Variants in RSU1 observed in about 807,000 individuals in gnomAD.
RSU1 encodes Ras suppressor protein 1.
Under a neutral mutation model 31.1 loss-of-function variants are expected in RSU1, and 26 were observed. The ratio of observed to expected loss-of-function variants is 0.84; its 90% CI spans 0.61 to 1.16. The LOEUF (loss-of-function observed/expected upper bound fraction) is 1.16. RSU1 is among the 50% of genes most tolerant of loss of function. The pLI is 0.00. For synonymous variants in RSU1, 164 were observed against 136.3 expected (o/e 1.20, Z -1.41); for missense variants, 320 against 339.1 (o/e 0.94, Z 0.44).
intron 2 of RSU1, among the ~76,000 whole-genome samples, chr10:16,786,919 C>A (rs1837803531): frequency 6.6e-6 from 1 of 152,126 alleles, no homozygotes; most frequent in African/African-American, 2.4e-5. Flanking sequence ...GAGGAGTGGG[C>A]CAGCTTAAAG....
At chr10:16,746,101 A>G (rs1164056035) in intron 7 of RSU1, among the ~76,000 whole-genome samples, 1 of 152,180 alleles carries the variant, frequency 6.6e-6, no homozygotes, top group African/African-American at 2.4e-5. Flanking sequence ...TTTATTCTGG[A>G]GTATATAATT....
At position 16,592,407 on chromosome 10, in the gene RSU1, G is replaced by A. The variant is rs532212969; in HGVS notation, c.*987C>T. ...AGAAGGAAAGCTGCCTATCACAGAT[G>A]TTAAACAAACAATTGATTGTTTAAT... On this transcript the variant is annotated 3_prime_UTR_variant, in exon 9 of 9. Transcript: ENST00000345264. 1.4e-4 allele frequency: 22 copies of A among 152,328 alleles called. No homozygotes were observed. The highest frequency in any genetic ancestry group is 5.3e-4 in the African/African-American group (22 of 41,574). The allele number at this position is 152,328 out of a possible 1,614,324, so 9.4% of individuals were successfully genotyped here.
rs1316379291 is a variant in RSU1, at chr10:16,646,034, G to GTA, written c.731+48987_731+48988dup. ...TATACATATATGTGTATATATATGT[G>GTA]TATATACATATATGTGTATATATAT... On this transcript the variant is annotated intron_variant, in intron 8 of 8. Transcript: ENST00000345264. Among the ~76,000 whole-genome samples, 4 of 62,804 alleles carry GTA rather than the reference G, an allele frequency of 6.4e-5. 1 individual carries two copies. The highest frequency in any genetic ancestry group is 8.9e-4 in the East Asian group (2 of 2,252). The allele number at this position is 62,804 out of a possible 152,430, so 41.2% of individuals were successfully genotyped here.
intron 7 of RSU1, among the ~76,000 whole-genome samples, chr10:16,717,623 AAAC>A (rs1836169318): frequency 6.6e-6 from 1 of 152,224 alleles, no homozygotes; most frequent in African/African-American, 2.4e-5. Context: ...AGAAAAGCAA[AAAC>A]AACATACCAA....
intron 7 of RSU1, among the ~76,000 whole-genome samples, chr10:16,713,623 TTC>T (rs1836067283): frequency 6.6e-6 from 1 of 152,266 alleles, no homozygotes; most frequent in Non-Finnish European, 1.5e-5. Context: ...ATTTGCTGTA[TTC>T]TCTTGTATCT....
In RSU1 at chr10:16,738,450, CA is replaced by C. The variant is rs201836209; in HGVS notation, c.598+14088del. On this transcript the variant is annotated intron_variant, in intron 7 of 8. Transcript: ENST00000345264. Reference sequence around the variant, plus strand: ...TGTGTGAAAGAGCAAGACTCTGTCTCAAAAAAAAAGAAGAAAAACTGAAAAT... The same window carrying C: ...TGTGTGAAAGAGCAAGACTCTGTCTCAAAAAAAAGAAGAAAAACTGAAAAT... Among the ~76,000 whole-genome samples the C allele has an allele frequency of 3.6e-3, 537 of 150,026 alleles. 8 individuals are homozygous for C. Among genetic ancestry groups the C allele is most frequent in the African/African-American group, 0.013 (520 of 40,882 alleles).
chr10:16,647,273 G>A (rs781602504), intron 8 of RSU1, among the ~76,000 whole-genome samples: 13 of 152,242 alleles, frequency 8.5e-5, no homozygotes, highest in South Asian at 4.1e-4. Flanking sequence ...CGCCCAGCCC[G>A]TACTGGAACT....
chr10:16,721,705 CA>C (rs1333698838), intron 7 of RSU1: 11 of 152,178 alleles, frequency 7.2e-5, no homozygotes. Flanking sequence ...ACGTGGGTGG[CA>C]AATCACTTGA....
intron 2 of RSU1, among the ~76,000 whole-genome samples, chr10:16,785,156 T>A (rs1837745550): frequency 6.6e-6 from 1 of 152,040 alleles, no homozygotes; most frequent in Admixed American, 6.6e-5. Context: ...GTGGGCACCA[T>A]CTAATCAGCT....
intron 4 of RSU1, among the ~76,000 whole-genome samples, chr10:16,758,974 T>C (rs1227840400): frequency 6.6e-6 from 1 of 152,226 alleles, no homozygotes; most frequent in African/African-American, 2.4e-5. Context: ...GGCAAATGCC[T>C]GCATATGATG....
chr10:16,790,188 A>G (rs1229412122), intron 2 of RSU1, among the ~76,000 whole-genome samples: 1 of 152,164 alleles, frequency 6.6e-6, no homozygotes, highest in Non-Finnish European at 1.5e-5. Flanking sequence ...ACAATCAAGG[A>G]CTCACGCAGG....
chr10:16,605,866 A>C (rs983363786), intron 8 of RSU1, among the ~76,000 whole-genome samples: 1 of 152,152 alleles, frequency 6.6e-6, no homozygotes, highest in African/African-American at 2.4e-5. Flanking sequence ...CAGTGGTGCG[A>C]TCATGGCTCA....
intron 4 of RSU1, among the ~76,000 whole-genome samples, chr10:16,760,379 T>C (rs557816604): frequency 6.6e-6 from 1 of 151,850 alleles, no homozygotes; most frequent in Non-Finnish European, 1.5e-5. Flanking sequence ...TGTGGGTGTG[T>C]GCACTTGTAA....
At chr10:16,667,847 TATCAGGTACTTAG>T (rs1835027020) in intron 8 of RSU1, among the ~76,000 whole-genome samples, 1 of 152,162 alleles carries the variant, frequency 6.6e-6, no homozygotes, top group Admixed American at 6.5e-5. Flanking sequence ...GCCTGCCAGA[TATCAGGTACTTAG>T]GCTCTAAGCA....
intron 2 of RSU1, among the ~76,000 whole-genome samples, chr10:16,814,470 A>AAAG (rs1554777381): frequency 2.9e-4 from 40 of 136,784 alleles, no homozygotes; most frequent in African/African-American, 9.1e-4. Context: ...AAAAAAAAAG[A>AAAG]AAAAAAAATT....
intron 8 of RSU1, among the ~76,000 whole-genome samples, chr10:16,691,120 G>A (rs1381314956): frequency 2.0e-5 from 3 of 152,102 alleles, no homozygotes; most frequent in Non-Finnish European, 4.4e-5. Flanking sequence ...TGAATAAACT[G>A]CCTCCCCTGA....
intron 4 of RSU1, among the ~76,000 whole-genome samples, chr10:16,761,719 G>C (rs1289426537): frequency 6.6e-6 from 1 of 152,124 alleles, no homozygotes. Flanking sequence ...AGCTGGGCGT[G>C]GTGGCAGGCG....
At chr10:16,604,146 A>G (rs1004935592) in intron 8 of RSU1, among the ~76,000 whole-genome samples, 1 of 152,206 alleles carries the variant, frequency 6.6e-6, no homozygotes, top group African/African-American at 2.4e-5. Flanking sequence ...GGTCGGGGCA[A>G]GAGTGAGGCA....
intron 7 of RSU1, among the ~76,000 whole-genome samples, chr10:16,696,381 A>AT (rs1429665655): frequency 1.3e-5 from 2 of 152,022 alleles, no homozygotes; most frequent in Admixed American, 6.6e-5. Context: ...GGATAAATGA[A>AT]TTTTTTTATG....
Sources: gnomAD v4.1 joint callset for allele counts (sites outside exome capture counted in the v4.1 genomes callset) on GRCh38, gnomAD v4.1.1 for gene constraint, MANE v1.5 for transcripts, NCBI Gene and HGNC (gene_info 2026-07-23, HGNC 2026-07-21) for gene names.